PLXDC2: variants seen among roughly 807,000 people sequenced by gnomAD.
PLXDC2 encodes the protein plexin domain-containing protein 2.
In PLXDC2, 40 loss-of-function variants were observed where a neutral mutation model predicts 68.9. The ratio of observed to expected loss-of-function variants is 0.58; its 90% CI spans 0.45 to 0.76. PLXDC2 has a LOEUF of 0.76. PLXDC2 is among the 30% of genes least tolerant of loss of function. The pLI is 0.00. For missense variants in PLXDC2, 644 were observed against 661.9 expected (o/e 0.97, Z 0.30); for synonymous variants, 243 against 234.2 (o/e 1.04, Z -0.34).
chr10:20,082,062 A>AAAAAAAAAAAAAAAAAAAAAAAAAAAAG (rs1836571985), intron 4 of PLXDC2, among the ~76,000 whole-genome samples: 1 of 80,760 alleles, frequency 1.2e-5, no homozygotes. Context: ...AAAAAAAAAA[A>AAAAAAAAAAAAAAAAAAAAAAAAAAAAG]TCAAAAAAAA....
intron 4 of PLXDC2, among the ~76,000 whole-genome samples, chr10:20,107,370 A>C (rs1833505943): frequency 6.6e-6 from 1 of 152,140 alleles, no homozygotes; most frequent in Non-Finnish European, 1.5e-5. Context: ...AGGCTGAATA[A>C]AGGATGATAA....
At chr10:20,138,925 A>C (rs540380843) in intron 4 of PLXDC2, among the ~76,000 whole-genome samples, 1 of 152,272 alleles carries the variant, frequency 6.6e-6, no homozygotes, top group African/African-American at 2.4e-5. Flanking sequence ...AGAAAAAAAA[A>C]CAAAAAGGAA....
At chr10:20,094,814 T>G (rs1833326776) in intron 4 of PLXDC2, among the ~76,000 whole-genome samples, 1 of 152,228 alleles carries the variant, frequency 6.6e-6, no homozygotes, top group Non-Finnish European at 1.5e-5. Flanking sequence ...CTTTTTCCTC[T>G]GGGACTCATG....
chr10:20,220,499 T>G (rs963159744), intron 12 of PLXDC2, among the ~76,000 whole-genome samples: 6 of 152,120 alleles, frequency 3.9e-5, no homozygotes, highest in Non-Finnish European at 8.8e-5. Context: ...CTTTCTTTAC[T>G]TCCTTCCCTT....
At chr10:19,932,693 C>T (rs1833659369) in intron 1 of PLXDC2, among the ~76,000 whole-genome samples, 1 of 152,180 alleles carries the variant, frequency 6.6e-6, no homozygotes, top group African/African-American at 2.4e-5. Flanking sequence ...CGATTATCCT[C>T]ATATCTCATA....
At position 20,155,206 on chromosome 10, in the gene PLXDC2, A is replaced by G. The variant is rs145710123; in HGVS notation, c.783+7304A>G. On this transcript the variant is annotated intron_variant, in intron 6 of 13. Coordinates refer to ENST00000377252, the MANE Select transcript of PLXDC2 (RefSeq NM_032812.9). Reference sequence around the variant, plus strand: ...AATTTCTTTGAAGATTATTTCTCTTATTTAAACTGTAATGACCCTTCACTC... The same window carrying G: ...AATTTCTTTGAAGATTATTTCTCTTGTTTAAACTGTAATGACCCTTCACTC... Among the ~76,000 whole-genome samples, 594 of 152,276 alleles carry G rather than the reference A, an allele frequency of 3.9e-3. 8 individuals are homozygous for G. The highest frequency in any genetic ancestry group is 0.013 in the African/African-American group (559 of 41,572).
At chr10:20,019,754 C>A (rs1214714524) in intron 2 of PLXDC2, among the ~76,000 whole-genome samples, 1 of 152,142 alleles carries the variant, frequency 6.6e-6, no homozygotes, top group Non-Finnish European at 1.5e-5. Context: ...GAACTTCCAG[C>A]CTCTAAAAAT....
chr10:20,138,913 A>G (rs1396441564), intron 4 of PLXDC2, among the ~76,000 whole-genome samples: 2 of 152,132 alleles, frequency 1.3e-5, no homozygotes, highest in Non-Finnish European at 2.9e-5. Flanking sequence ...ACTCTGTCTC[A>G]GAGAAAAAAA....
At chr10:19,873,988 G>C (rs1353047536) in intron 1 of PLXDC2, among the ~76,000 whole-genome samples, 1 of 113,412 alleles carries the variant, frequency 8.8e-6, no homozygotes, top group Non-Finnish European at 2.0e-5. Flanking sequence ...CTTCAGGTGT[G>C]GATCTGGGTG....
chr10:20,117,762 G>C lies in PLXDC2; in HGVS notation c.542-25533G>C, dbSNP rs1362012349. ...AGTAATTGCAGTGCTTCCTAAAATAGAGTTGATGAATTTTATGAGGAACAC... is the reference window on the plus strand; with the variant it reads ...AGTAATTGCAGTGCTTCCTAAAATACAGTTGATGAATTTTATGAGGAACAC... On this transcript the variant is annotated intron_variant, in intron 4 of 13. Coordinates refer to ENST00000377252, the MANE Select transcript of PLXDC2 (RefSeq NM_032812.9). Among the ~76,000 whole-genome samples the C allele has an allele frequency of 2.0e-5, 3 of 152,160 alleles. 1 individual carries two copies.
intron 1 of PLXDC2, among the ~76,000 whole-genome samples, chr10:19,822,489 C>T (rs1178672534): frequency 6.6e-6 from 1 of 152,076 alleles, no homozygotes; most frequent in African/African-American, 2.4e-5. Context: ...GGTATATATA[C>T]AGAAGAGAGG....
At chr10:20,143,588 G>A (rs934317209) in intron 5 of PLXDC2, among the ~76,000 whole-genome samples, 171 bp downstream of exon 5, 1 of 152,024 alleles carries the variant, frequency 6.6e-6, no homozygotes, top group Non-Finnish European at 1.5e-5. Flanking sequence ...TACACAAATG[G>A]CATTCATTCA....
intron 4 of PLXDC2, among the ~76,000 whole-genome samples, chr10:20,077,382 G>A (rs1219383742): frequency 3.3e-5 from 5 of 152,130 alleles, no homozygotes; most frequent in African/African-American, 1.2e-4. Context: ...GGTACAATGT[G>A]AAAGTAGGTA....
At chr10:20,108,701 G>A (rs757187835) in intron 4 of PLXDC2, among the ~76,000 whole-genome samples, 4 of 152,058 alleles carry the variant, frequency 2.6e-5, no homozygotes, top group Non-Finnish European at 5.9e-5. Context: ...TTAAATTGAG[G>A]TTATGTCACT....
chr10:19,996,186 A>G (rs1465339197), intron 1 of PLXDC2, among the ~76,000 whole-genome samples: 1 of 152,190 alleles, frequency 6.6e-6, no homozygotes, highest in Non-Finnish European at 1.5e-5. Flanking sequence ...CACTTCTATA[A>G]TCCCAGCACT....
intron 1 of PLXDC2, among the ~76,000 whole-genome samples, chr10:19,883,999 G>A (rs1457280823): frequency 6.9e-6 from 1 of 145,228 alleles, no homozygotes; most frequent in Non-Finnish European, 1.5e-5. Flanking sequence ...CTGGGCTCAG[G>A]TGATCCTCTC....
At chr10:20,125,929 T>G in intron 4 of PLXDC2, among the ~76,000 whole-genome samples, 1 of 35,716 alleles carries the variant, frequency 2.8e-5, no homozygotes, top group East Asian at 7.0e-4. Context: ...CAGAGAGAAA[T>G]GAACATATAT....
chr10:19,940,282 A>G (rs568499444), intron 1 of PLXDC2, among the ~76,000 whole-genome samples: 1 of 152,230 alleles, frequency 6.6e-6, no homozygotes, highest in Admixed American at 6.5e-5. Context: ...GGAAATATAT[A>G]CTCTAATAAA....
intron 1 of PLXDC2, among the ~76,000 whole-genome samples, chr10:19,938,070 C>A (rs1833759247): frequency 6.6e-6 from 1 of 152,050 alleles, no homozygotes; most frequent in South Asian, 2.1e-4. Context: ...GCATCGCTAG[C>A]CCTCTTGATT....
Sources: gnomAD v4.1 joint callset for allele counts (sites outside exome capture counted in the v4.1 genomes callset) on GRCh38, gnomAD v4.1.1 for gene constraint, MANE v1.5 for transcripts, NCBI Gene and HGNC (gene_info 2026-07-23, HGNC 2026-07-21) for gene names.